Variants in DACH1 observed in about 807,000 individuals in gnomAD.
DACH1 encodes dachshund family transcription factor 1.
Under a neutral mutation model 54.2 loss-of-function variants are expected in DACH1, and 12 were observed. That is an observed-to-expected ratio of 0.22 (90% CI 0.14 to 0.36). DACH1 has a LOEUF of 0.36. Ranked by LOEUF, DACH1 falls within the 10% of genes least tolerant of loss-of-function variation. The pLI is 1.00. For synonymous variants in DACH1, 386 were observed against 366.2 expected (o/e 1.05, Z -0.62); for missense variants, 805 against 929.8 (o/e 0.87, Z 1.75).
At chr13:71,580,340 C>T (rs1885780568) in intron 3 of DACH1, among the ~76,000 whole-genome samples, 1 of 152,118 alleles carries the variant, frequency 6.6e-6, no homozygotes. Context: ...AACCAATGAA[C>T]TAGAAATTCT....
chr13:71,552,766 CATATATATATATATATATGGATGTGAAT>C (rs1883896606), intron 6 of DACH1, among the ~76,000 whole-genome samples: 2 of 86,668 alleles, frequency 2.3e-5, no homozygotes, highest in African/African-American at 9.1e-5. Context: ...AGTTTTCATG[CATATATATATATATATATGGATGTGAAT>C]ATATATATAT....
chr13:71,607,893 A>C (rs1874995261), intron 3 of DACH1, among the ~76,000 whole-genome samples: 1 of 152,042 alleles, frequency 6.6e-6, no homozygotes, highest in African/African-American at 2.4e-5. Flanking sequence ...AGAAATTTTG[A>C]AAGTTACTGC....
intron 1 of DACH1, among the ~76,000 whole-genome samples, chr13:71,693,468 A>ATT (rs1566437389): frequency 7.4e-6 from 1 of 134,976 alleles, no homozygotes; most frequent in African/African-American, 3.3e-5. Context: ...ACGCCCGGCA[A>ATT]ATTTTTTTTT....
intron 2 of DACH1, among the ~76,000 whole-genome samples, chr13:71,646,251 C>T (rs1594039168): frequency 6.6e-6 from 1 of 151,454 alleles, no homozygotes; most frequent in Non-Finnish European, 1.5e-5. Context: ...GCAGGAGAAT[C>T]ACTTGAACCC....
chr13:71,484,415 C>T (rs961612934), intron 7 of DACH1, among the ~76,000 whole-genome samples: 7 of 152,144 alleles, frequency 4.6e-5, no homozygotes, highest in Non-Finnish European at 8.8e-5. Context: ...GGTCTTATTG[C>T]CTCAGCCTCC....
chr13:71,689,324 A>G (rs1881356256), intron 1 of DACH1, among the ~76,000 whole-genome samples: 1 of 152,146 alleles, frequency 6.6e-6, no homozygotes, highest in Non-Finnish European at 1.5e-5. Context: ...TATTAATATT[A>G]CTGCATACAT....
chr13:71,864,625 G>A (rs892345916), intron 1 of DACH1, among the ~76,000 whole-genome samples: 10 of 152,012 alleles, frequency 6.6e-5, no homozygotes, highest in African/African-American at 2.2e-4. Flanking sequence ...TCTTTCTCCC[G>A]GAATCTCACT....
intron 1 of DACH1, among the ~76,000 whole-genome samples, chr13:71,720,973 T>C (rs928134686): frequency 6.6e-6 from 1 of 152,174 alleles, no homozygotes; most frequent in Non-Finnish European, 1.5e-5. Flanking sequence ...TCTCTCTTAC[T>C]TGATGATCCA....
chr13:71,464,633 G>A (rs1275313922), intron 10 of DACH1: 1 of 443,458 alleles, frequency 2.3e-6, no homozygotes, highest in Non-Finnish European at 4.5e-6. Context: ...ATTTTATGAA[G>A]ACAATTAAGG....
intron 1 of DACH1, among the ~76,000 whole-genome samples, chr13:71,705,312 C>T (rs1882381266): frequency 6.6e-6 from 1 of 152,102 alleles, no homozygotes; most frequent in Non-Finnish European, 1.5e-5. Flanking sequence ...AGAATAAAGT[C>T]CACAACCAGA....
intron 2 of DACH1, among the ~76,000 whole-genome samples, chr13:71,638,319 A>C (rs1353564434): frequency 6.6e-6 from 1 of 152,198 alleles, no homozygotes; most frequent in Non-Finnish European, 1.5e-5. Flanking sequence ...TATTAGCAAT[A>C]TGAATCTAAC....
Position 71,704,582 on chromosome 13 carries a change from A to C in DACH1, c.849-22672T>G, listed in dbSNP as rs74856092. On this transcript the variant is annotated intron_variant, in intron 1 of 10. Coordinates refer to ENST00000613252, the MANE Select transcript of DACH1 (RefSeq NM_080759.6). ...AAGCACCAGCCTGCTCCACCCAGAG[A>C]AGCACACTTTATGAGAACCCATGGC... 4,685 of 475,922 alleles carry C rather than the reference A, an allele frequency of 9.8e-3. 101 individuals carry two copies. Among genetic ancestry groups the C allele is most frequent in the African/African-American group, 0.053 (2,598 of 49,170 alleles). The allele number at this position is 475,922 out of a possible 1,614,324, so 29.5% of individuals were successfully genotyped here. A position where few individuals can be genotyped will look rare whatever the true frequency, so the allele number is the denominator to read the frequency against.
At chr13:71,444,856 A>G (rs1487596086) in intron 10 of DACH1, among the ~76,000 whole-genome samples, 2 of 152,048 alleles carry the variant, frequency 1.3e-5, no homozygotes, top group African/African-American at 2.4e-5. Context: ...TCTATTCTAC[A>G]GCACGCCAAA....
chr13:71,571,537 G>T (rs75192609), intron 4 of DACH1, among the ~76,000 whole-genome samples: 1 of 152,080 alleles, frequency 6.6e-6, no homozygotes, highest in East Asian at 1.9e-4. Context: ...ACTCACTGGC[G>T]CTCTCTGAGG....
chr13:71,860,988 T>A (rs917115294), intron 1 of DACH1, among the ~76,000 whole-genome samples: 1 of 151,842 alleles, frequency 6.6e-6, no homozygotes, highest in Non-Finnish European at 1.5e-5. Context: ...AAGACAAGAG[T>A]GATTTATGCT....
intron 6 of DACH1, among the ~76,000 whole-genome samples, chr13:71,543,312 G>T (rs1436031933): frequency 6.6e-6 from 1 of 152,082 alleles, no homozygotes; most frequent in Non-Finnish European, 1.5e-5. Flanking sequence ...AGTCTTTTAT[G>T]CATATTTAAT....
At chr13:71,605,331 T>C (rs1874793737) in intron 3 of DACH1, among the ~76,000 whole-genome samples, 1 of 151,882 alleles carries the variant, frequency 6.6e-6, no homozygotes, top group Non-Finnish European at 1.5e-5. Flanking sequence ...TAATGTATTG[T>C]AATATGATAT....
At chr13:71,584,883 G>T (rs1873121851) in intron 3 of DACH1, among the ~76,000 whole-genome samples, 1 of 151,840 alleles carries the variant, frequency 6.6e-6, no homozygotes, top group Admixed American at 6.6e-5. Flanking sequence ...ATATAAACTA[G>T]CAAACAAAGA....
chr13:71,779,292 CACATATATAT>C (rs752029440), intron 1 of DACH1, among the ~76,000 whole-genome samples: 35,880 of 128,034 alleles, frequency 0.28, 6,234 homozygotes, highest in African/African-American at 0.38. Context: ...CGTATATATA[CACATATATAT>C]ATTTATATAC....
Sources: allele counts gnomAD v4.1 joint callset (sites outside exome capture counted in the v4.1 genomes callset), GRCh38; gene constraint gnomAD v4.1.1; transcripts MANE v1.5; gene names NCBI Gene and HGNC (gene_info 2026-07-23, HGNC 2026-07-21).